LIMCH1: variants seen among roughly 807,000 people sequenced by gnomAD.
LIMCH1 encodes the protein LIM and calponin homology domains 1.
LIMCH1 carries 113 observed loss-of-function variants against 176.5 expected under a neutral mutation model. That is an observed-to-expected ratio of 0.64 (90% CI 0.55 to 0.75). The LOEUF (loss-of-function observed/expected upper bound fraction) is 0.75, where lower values mean the gene tolerates loss of function less well. Among genes scored for constraint, LIMCH1 ranks in the 30% least tolerant of loss-of-function variants. The pLI is 0.00. For synonymous variants in LIMCH1, 619 were observed against 645.9 expected (o/e 0.96, Z 0.63); for missense variants, 1,674 against 1,814.9 (o/e 0.92, Z 1.41).
chr4:41,524,119 T>C (rs1247291812), intron 2 of LIMCH1, among the ~76,000 whole-genome samples: 1 of 152,188 alleles, frequency 6.6e-6, no homozygotes, highest in Non-Finnish European at 1.5e-5. Flanking sequence ...CCTCACAACC[T>C]CAATCCAGCT....
intron 1 of LIMCH1, among the ~76,000 whole-genome samples, chr4:41,393,306 T>TTCCCTTTGGTAGACAATTG (rs1288837207): frequency 6.6e-6 from 1 of 152,210 alleles, no homozygotes; most frequent in East Asian, 1.9e-4. Context: ...TGTGTCTTTT[T>TTCCCTTTGGTAGACAATTG]TCCCTTTGGT....
intron 2 of LIMCH1, among the ~76,000 whole-genome samples, chr4:41,506,550 C>A (rs1342640579): frequency 6.6e-6 from 1 of 152,116 alleles, no homozygotes; most frequent in East Asian, 1.9e-4. Flanking sequence ...ACACACAGAG[C>A]AGTTAAGTTA....
At chr4:41,645,365 T>C (rs2152926117) in intron 15 of LIMCH1, among the ~76,000 whole-genome samples, 1 of 152,384 alleles carries the variant, frequency 6.6e-6, no homozygotes, top group South Asian at 2.1e-4. Flanking sequence ...ATGTCTAAAG[T>C]ATCTTGAGCA....
intron 1 of LIMCH1, among the ~76,000 whole-genome samples, chr4:41,430,997 T>C (rs529052934): frequency 3.2e-4 from 49 of 152,324 alleles, no homozygotes; most frequent in African/African-American, 1.1e-3. Flanking sequence ...AAGTTTGTCA[T>C]TTAAAATAGC....
chr4:41,450,433 G>A (rs550038052), intron 1 of LIMCH1, among the ~76,000 whole-genome samples: 3 of 152,172 alleles, frequency 2.0e-5, no homozygotes, highest in South Asian at 2.1e-4. Context: ...CTTCATGAGC[G>A]TCTGTGGAGT....
chr4:41,391,181 A>G (rs1003485335), intron 1 of LIMCH1, among the ~76,000 whole-genome samples: 1 of 152,254 alleles, frequency 6.6e-6, no homozygotes, highest in Non-Finnish European at 1.5e-5. Context: ...TCAACTCACT[A>G]GCTGACCTGT....
At chr4:41,453,025 T>A (rs1345974995) in intron 1 of LIMCH1, among the ~76,000 whole-genome samples, 1 of 152,152 alleles carries the variant, frequency 6.6e-6, no homozygotes, top group Non-Finnish European at 1.5e-5. Context: ...ACACCCTTCT[T>A]ACTTGATGAT....
At chr4:41,566,843 C>T (rs1054943617) in intron 1 of LIMCH1, among the ~76,000 whole-genome samples, 10 of 152,042 alleles carry the variant, frequency 6.6e-5, no homozygotes, top group Non-Finnish European at 1.3e-4. Context: ...CAGAGTTATC[C>T]GAAGATGGGC....
rs757379923 is a variant in LIMCH1, at chr4:41,676,397, T to C, written c.3454T>C (p.Trp1152Arg). 15 of 1,613,696 alleles carry C rather than the reference T, an allele frequency of 9.3e-6. No homozygotes were observed. The highest frequency in any genetic ancestry group is 1.2e-5 in the Non-Finnish European group (14 of 1,179,652). ...PVMTPFKFWA[W>R]DPEEERRRQE... Reference sequence around the variant, plus strand: ...TTCTAAGCAGTTTAAGTTCTGGGCATGGGACCCAGAAGAGGAGCGCAGGCG... The same window carrying C: ...TTCTAAGCAGTTTAAGTTCTGGGCACGGGACCCAGAAGAGGAGCGCAGGCG... The change falls in exon 23 of 32, where the codon TGG becomes CGG. Residue 1152 changes from tryptophan to arginine, a missense_variant. Physicochemically the swap from Trp to Arg is moderately radical, Grantham distance 101 (BLOSUM62 -3). Around this residue, in one of 3 missense-constraint regions of LIMCH1, gnomAD observed 1,015 missense variants for 1,102.5 expected, o/e 0.92. Transcript: ENST00000503057.
At chr4:41,604,562 T>C (rs1038976751) in intron 3 of LIMCH1, among the ~76,000 whole-genome samples, 3 of 152,194 alleles carry the variant, frequency 2.0e-5, no homozygotes, top group African/African-American at 7.2e-5. Context: ...CTTATCTTCT[T>C]TTTCCTCCTT....
At chr4:41,688,035 C>A in intron 29 of LIMCH1, 118 bp downstream of exon 29, 2 of 757,312 alleles carry the variant, frequency 2.6e-6, no homozygotes, top group South Asian at 1.6e-5. Flanking sequence ...CCATCCACAT[C>A]TCTTCCTACA....
chr4:41,661,466 A>T lies in LIMCH1; in HGVS notation c.3083A>T (p.Asp1028Val), dbSNP rs1193690188. ...TEPNSQEDKNDGGKSRKGNIE... is the reference protein window; with the variant it reads ...TEPNSQEDKNVGGKSRKGNIE... Reference sequence around the variant, plus strand: ...CCGAATAGTCAAGAGGACAAGAATGATGGTGGAAAATCAAGAAAAGGGAAT... The same window carrying T: ...CCGAATAGTCAAGAGGACAAGAATGTTGGTGGAAAATCAAGAAAAGGGAAT... Residue 1028 changes from aspartate to valine, a missense_variant, in exon 19 of 32, where the codon GAT becomes GTT. By Grantham distance (152) the Asp-to-Val change is radical. Transcript: ENST00000503057. 6.2e-7 allele frequency: 1 copy of T among 1,613,368 alleles called. No individual in the cohort carries two copies. The highest frequency in any genetic ancestry group is 1.7e-5 in the Admixed American group (1 of 59,938).
At chr4:41,402,047 T>C (rs1333968587) in intron 1 of LIMCH1, among the ~76,000 whole-genome samples, 1 of 152,184 alleles carries the variant, frequency 6.6e-6, no homozygotes. Context: ...CTAATTGCCC[T>C]GGCCAGAACT....
chr4:41,659,582 G>T (rs1473777303), intron 18 of LIMCH1, among the ~76,000 whole-genome samples: 1 of 152,078 alleles, frequency 6.6e-6, no homozygotes, highest in African/African-American at 2.4e-5. Context: ...ATATACTTAT[G>T]AGAGACGAAT....
At chr4:41,446,121 A>C (rs2063262519) in intron 1 of LIMCH1, among the ~76,000 whole-genome samples, 1 of 152,128 alleles carries the variant, frequency 6.6e-6, no homozygotes, top group South Asian at 2.1e-4. Context: ...TTCAAAACTG[A>C]AGATGAGGAG....
chr4:41,414,723 G>T (rs1488108478), intron 1 of LIMCH1, among the ~76,000 whole-genome samples: 1 of 152,114 alleles, frequency 6.6e-6, no homozygotes, highest in African/African-American at 2.4e-5. Flanking sequence ...AAATTTAGAT[G>T]TCACCCATGA....
chr4:41,674,103 C>A (rs1030730872), intron 22 of LIMCH1, among the ~76,000 whole-genome samples: 5 of 152,106 alleles, frequency 3.3e-5, no homozygotes, highest in African/African-American at 1.2e-4. Flanking sequence ...GGTTTCTTCC[C>A]CTTTATCCTC....
chr4:41,528,121 G>A (rs2076875439), intron 3 of LIMCH1, among the ~76,000 whole-genome samples: 1 of 143,022 alleles, frequency 7.0e-6, no homozygotes, highest in South Asian at 2.1e-4. Context: ...ATTTTGAAAT[G>A]AAATGTCATG....
At chr4:41,455,463 A>G (rs2064470021) in intron 1 of LIMCH1, among the ~76,000 whole-genome samples, 1 of 152,192 alleles carries the variant, frequency 6.6e-6, no homozygotes, top group African/African-American at 2.4e-5. Context: ...CGCTGCTTTC[A>G]TCCTGCTGGG....
Sources: allele counts gnomAD v4.1 joint callset (sites outside exome capture counted in the v4.1 genomes callset), GRCh38; gene constraint gnomAD v4.1.1; regional missense constraint gnomAD v4.1.1; transcripts MANE v1.5; gene names NCBI Gene and HGNC (gene_info 2026-07-23, HGNC 2026-07-21).